The following ANO7 variants were observed in gnomAD, a reference collection of about 807,000 sequenced individuals.
ANO7 encodes the protein anoctamin-7.
Under a neutral mutation model 115.8 loss-of-function variants are expected in ANO7, and 114 were observed. The observed-to-expected ratio is 0.98, with a 90% CI of 0.85 to 1.15. The LOEUF is 1.15. ANO7 is among the 50% of genes most tolerant of loss of function. The pLI is 0.00. For synonymous variants in ANO7, 550 were observed against 498.2 expected, an observed-to-expected ratio of 1.10 and a Z score of -1.38; for missense variants, 1,302 against 1,201.2, an observed-to-expected ratio of 1.08 and a Z score of -1.24.
At chr2:241,215,360 G>A (rs1487649587) in intron 18 of ANO7, among the ~76,000 whole-genome samples, 1 of 152,214 alleles carries the variant, frequency 6.6e-6, no homozygotes, top group Non-Finnish European at 1.5e-5. Context: ...CTGACCACAA[G>A]GCTCCCATAG....
At chr2:241,213,245 C>T (rs920698371) in intron 17 of ANO7, among the ~76,000 whole-genome samples, 1 of 150,716 alleles carries the variant, frequency 6.6e-6, no homozygotes, top group Non-Finnish European at 1.5e-5. Context: ...ACACAGGGGT[C>T]GCAGGGGCTG....
At chr2:241,191,034 C>T (rs927597939) in intron 2 of ANO7, among the ~76,000 whole-genome samples, 160 bp from the exon 3 acceptor site, 3 of 152,190 alleles carry the variant, frequency 2.0e-5, no homozygotes, top group African/African-American at 7.2e-5. Context: ...CCCTCCACCC[C>T]CTACCCACCC....
At chr2:241,189,936 C>A (rs2149089070) in intron 1 of ANO7, 121 bp from the exon 2 acceptor site, 1 of 728,136 alleles carries the variant, frequency 1.4e-6, no homozygotes, top group East Asian at 2.9e-5. Context: ...CAGCCCAGCC[C>A]CATTCTACTC....
At chr2:241,215,648 G>C (rs376927075) in intron 18 of ANO7, among the ~76,000 whole-genome samples, 1 of 152,210 alleles carries the variant, frequency 6.6e-6, no homozygotes, top group African/African-American at 2.4e-5. Context: ...AGCAGGGCAC[G>C]GATGAGTGAC....
At chr2:241,201,204 C>T in intron 6 of ANO7, 94 bp from the exon 7 acceptor site, 1 of 1,477,556 alleles carries the variant, frequency 6.8e-7, no homozygotes, top group South Asian at 1.3e-5. Flanking sequence ...ACCTTCTGCA[C>T]CGTTCACATG....
In ANO7 at chr2:241,212,615, C is replaced by G; in HGVS notation, c.1717C>G (p.Arg573Gly). ...CAACTACCACACCTTGTTTGGAGTC[C>G]GCAATGAGGAGGTGAGTGTGCCTGA... ...PGNYHTLFGV[R>G]NEECAAGGCL... Residue 573 changes from arginine (R) to glycine (G), a missense_variant, in exon 17 of 25, where the codon CGC becomes GGC. Arg to Gly is a moderately radical substitution (Grantham distance 125). Transcript: ENST00000674324. 6.2e-7 allele frequency: 1 copy of G among 1,612,886 alleles called. No individual in the cohort carries two copies. The highest frequency in any genetic ancestry group is 8.5e-7 in the Non-Finnish European group (1 of 1,179,546).
chr2:241,198,383 C>T (rs1023977274), intron 4 of ANO7, among the ~76,000 whole-genome samples: 6 of 152,186 alleles, frequency 3.9e-5, no homozygotes, highest in Non-Finnish European at 1.5e-5. Context: ...TGAAAGACAC[C>T]TGCTTTTATT....
chr2:241,226,138 C>T (rs2069164059), downstream of ANO7, among the ~76,000 whole-genome samples: 1 of 151,992 alleles, frequency 6.6e-6, no homozygotes, highest in African/African-American at 2.4e-5. Flanking sequence ...TGACCCTCTC[C>T]CATCCAGGGC....
In ANO7 at chr2:241,189,851, C is replaced by T. The variant is rs11683690; in HGVS notation, c.-7-206C>T. Among the ~76,000 whole-genome samples, 34,659 of 152,126 alleles carry T rather than the reference C, an allele frequency of 0.23. 4,390 individuals carry two copies. The highest frequency in any genetic ancestry group is 0.29 in the Non-Finnish European group (19,668 of 67,970). On this transcript the variant is annotated intron_variant, in intron 1 of 24. Transcript: ENST00000674324. ...GGCCTGCCAGACGCTCCCGCCCCGGCACTGGTTTCTTCCTGGAGCTCGTGG... is the reference window on the plus strand; with the variant it reads ...GGCCTGCCAGACGCTCCCGCCCCGGTACTGGTTTCTTCCTGGAGCTCGTGG...
chr2:241,203,263 C>T lies in ANO7; in HGVS notation c.724-70C>T. On this transcript the variant is annotated intron_variant, in intron 8 of 24. Coordinates refer to ENST00000674324, the MANE Select transcript of ANO7 (RefSeq NM_001370694.2). This position sits in a 1 kb window ranked among gnomAD's most constrained non-coding sequence, Gnocchi z 4.8. ...TCTGCCCATGTCCCACACTGAAGCC[C>T]CTGCACCTACAACAGTGCCCAGTGG... The T allele has an allele frequency of 7.6e-7, 1 of 1,311,312 alleles. No individual in the cohort carries two copies. Among genetic ancestry groups the T allele is most frequent in the Non-Finnish European group, 1.0e-6 (1 of 984,030 alleles). 81.2% of individuals were successfully genotyped at this position (1,311,312 alleles called of 1,614,324 possible). A position where few individuals can be genotyped will look rare whatever the true frequency, so the allele number is the denominator to read the frequency against.
chr2:241,202,331 C>G, intron 8 of ANO7, 27 bp downstream of exon 8: 1 of 1,601,590 alleles, frequency 6.2e-7, no homozygotes, highest in East Asian at 2.2e-5. Flanking sequence ...GGGGCTCCAG[C>G]CTGGGTATGG....
intron 11 of ANO7, among the ~76,000 whole-genome samples, chr2:241,208,668 C>T (rs944840184): frequency 6.6e-5 from 10 of 152,224 alleles, no homozygotes; most frequent in African/African-American, 2.4e-4. Context: ...GTGCAAAATA[C>T]ACTCACCTCA....
At chr2:241,210,600 A>C (rs756911162) in intron 15 of ANO7, 30 bp downstream of exon 15, 1 of 1,595,604 alleles carries the variant, frequency 6.3e-7, no homozygotes, top group Admixed American at 1.7e-5. Context: ...CCAGGCACTG[A>C]CCAGGGGCCC....
In ANO7 at chr2:241,190,242, G is replaced by A; in HGVS notation, c.108+71G>A. 1.0e-5 allele frequency: 14 copies of A among 1,357,126 alleles called. No individual in the cohort carries two copies. In the South Asian group the frequency reaches 1.9e-4, roughly 19 times the overall value. 84.1% of individuals were successfully genotyped at this position (1,357,126 alleles called of 1,614,324 possible). A position where few individuals can be genotyped will look rare whatever the true frequency, so the allele number is the denominator to read the frequency against. ...CTGCCTGGGTCTATGCCCCCACCCT[G>A]GGCCCAGAGCCTCTGGGGGTGGATG... On this transcript the variant is annotated intron_variant, in intron 2 of 24. Transcript: ENST00000674324.
At chr2:241,230,038 C>G, downstream of ANO7, 1 of 1,578,462 alleles carries the variant, frequency 6.3e-7, no homozygotes, top group Non-Finnish European at 8.6e-7. The surrounding 1 kb of genome is among the most constrained non-coding windows in gnomAD (Gnocchi z 5.0). Flanking sequence ...CACCCCTGCA[C>G]CTCGCCTGCC....
At chr2:241,219,575 C>CCT (rs1559457443) in intron 21 of ANO7, among the ~76,000 whole-genome samples, 2 of 149,266 alleles carry the variant, frequency 1.3e-5, no homozygotes, top group Admixed American at 1.3e-4. Flanking sequence ...TTTCTTTTTT[C>CCT]TTTTTTTTTA....
At position 241,218,353 on chromosome 2, in the gene ANO7, T is replaced by G. The variant is rs1331883091; in HGVS notation, c.2293T>G (p.Phe765Val). The change falls in exon 21 of 25, where the codon TTC (phenylalanine) becomes GTC (valine). Residue 765 changes from phenylalanine (F) to valine (V), a missense_variant. Physicochemically the swap from Phe to Val is conservative, Grantham distance 50. Transcript: ENST00000674324. ...NFTLARAPSSFAAAHNRTCRY... is the reference protein window; with the variant it reads ...NFTLARAPSSVAAAHNRTCRY... ...CACGCTGGCGCGAGCCCCGTCCTCC[T>G]TCGCCGCCGCGCACAACCGCACGTG... 4.7e-6 allele frequency: 7 copies of G among 1,477,140 alleles called. No homozygotes were observed. The African/African-American group carries it at 1.0e-4, about 22-fold the overall frequency. The allele number at this position is 1,477,140 out of a possible 1,614,324, so 91.5% of individuals were successfully genotyped here. A position where few individuals can be genotyped will look rare whatever the true frequency, so the allele number is the denominator to read the frequency against.
At chr2:241,236,577 C>T in the ANO7 span, 2 of 1,607,658 alleles carry the variant, frequency 1.2e-6, no homozygotes, top group Non-Finnish European at 1.7e-6. Flanking sequence ...GCTGACTGGG[C>T]CTTGGCGGGG....
chr2:241,203,535 C>A lies in ANO7; in HGVS notation c.889+37C>A, dbSNP rs537638105. On this transcript the variant is annotated intron_variant, in intron 9 of 24. Transcript: ENST00000674324. This position sits in a 1 kb window ranked among gnomAD's most constrained non-coding sequence, Gnocchi z 4.8. ...CCGCTGCCCCCCAGACCACCTGGGCCCCCCCAGCTTGGTGTCAGGTTGTAA... is the reference window on the plus strand; with the variant it reads ...CCGCTGCCCCCCAGACCACCTGGGCACCCCCAGCTTGGTGTCAGGTTGTAA... The A allele has an allele frequency of 5.8e-6, 8 of 1,389,346 alleles. No homozygotes were observed. The East Asian group carries it at 1.4e-4, about 25-fold the overall frequency. 86.1% of individuals were successfully genotyped at this position (1,389,346 alleles called of 1,614,324 possible). A position where few individuals can be genotyped will look rare whatever the true frequency, so the allele number is the denominator to read the frequency against.
Sources: gnomAD v4.1 joint callset for allele counts (sites outside exome capture counted in the v4.1 genomes callset) on GRCh38, gnomAD v4.1.1 for gene constraint, Gnocchi (gnomAD v3.1) non-coding constraint, MANE v1.5 for transcripts, NCBI Gene and HGNC (gene_info 2026-07-23, HGNC 2026-07-21) for gene names.